CELSR1: variants seen among roughly 807,000 people sequenced by gnomAD.
The protein encoded by CELSR1 is adhesion G protein-coupled receptor C1.
Under a neutral mutation model 249.1 loss-of-function variants are expected in CELSR1, and 110 were observed. The observed-to-expected ratio is 0.44, with a 90% CI of 0.38 to 0.52. The LOEUF (loss-of-function observed/expected upper bound fraction) is 0.52, where lower values mean the gene tolerates loss of function less well. Among genes scored for constraint, CELSR1 ranks in the 20% least tolerant of loss-of-function variants. The pLI, the probability that CELSR1 is intolerant of heterozygous loss-of-function variation, is 0.00. For synonymous variants in CELSR1, 2,113 were observed against 1,900.0 expected (o/e 1.11, Z -2.92); for missense variants, 4,109 against 4,296.4 (o/e 0.96, Z 1.22).
Position 46,534,536 on chromosome 22 carries a change from C to G in CELSR1, c.2635G>C (p.Glu879Gln). Residue 879 changes from glutamate (E) to glutamine (Q), a missense_variant, in exon 1 of 35, where the codon GAG (glutamate) becomes CAG (glutamine). By Grantham distance (29) the Glu-to-Gln change is conservative (BLOSUM62 2). Around this residue, in one of 7 missense-constraint regions of CELSR1, gnomAD observed 886 missense variants for 896.5 expected, o/e 0.99. Transcript: ENST00000674500. This position sits in a 1 kb window ranked among gnomAD's most constrained non-coding sequence, Gnocchi z 9.7. The part of the protein sequence containing the change: ...IPQKSDTTTL[E>Q]ILILDANDNA... ...TCATTGGCATCGAGGATGAGGATCT[C>G]TAGGGTGGTGGTGTCTGATTTCTGC... 3 of 1,613,558 alleles carry G rather than the reference C, an allele frequency of 1.9e-6. No homozygotes were observed. Among genetic ancestry groups the G allele is most frequent in the Non-Finnish European group, 2.5e-6 (3 of 1,180,006 alleles).
At chr22:46,462,266 C>T (rs1261532789) in intron 2 of CELSR1, among the ~76,000 whole-genome samples, 1 of 152,216 alleles carries the variant, frequency 6.6e-6, no homozygotes, top group Non-Finnish European at 1.5e-5. Context: ...GGCAGGTGAC[C>T]ACACTGCCTT....
At chr22:46,470,157 GTACTGTTTACTTCCTCGTGGCAGTTGT>G (rs1277093889) in intron 1 of CELSR1, among the ~76,000 whole-genome samples, 2 of 150,140 alleles carry the variant, frequency 1.3e-5, no homozygotes, top group Admixed American at 6.6e-5. Flanking sequence ...TACAGATAGG[GTACTGTTTACTTCCTCGTGGCAGTTGT>G]TATGAAACAT....
rs1267883943 is a variant in CELSR1, at chr22:46,434,059, C to T, written c.4523-578G>A. The stretch of plus-strand genomic sequence containing the variant: ...TGTACCAGCAGCAGTCACACCTACA[C>T]CGCACCAGAGGTCGAACCCTTTTTC... On this transcript the variant is annotated intron_variant, in intron 4 of 34. Transcript: ENST00000674500. This position sits in a 1 kb window ranked among gnomAD's most constrained non-coding sequence, Gnocchi z 4.9. Among the ~76,000 whole-genome samples the T allele has an allele frequency of 6.6e-6, 1 of 152,250 alleles. No individual in the cohort carries two copies. The highest frequency in any genetic ancestry group is 1.9e-4 in the East Asian group (1 of 5,200).
chr22:46,394,735 G>A (rs893340384), intron 13 of CELSR1, among the ~76,000 whole-genome samples: 1 of 152,206 alleles, frequency 6.6e-6, no homozygotes, highest in Non-Finnish European at 1.5e-5. Context: ...ACCCACAGAT[G>A]CTCAGGGCAG....
In CELSR1 at chr22:46,535,891, A is replaced by C; in HGVS notation, c.1280T>G (p.Val427Gly). 2 of 1,609,522 alleles carry C rather than the reference A, an allele frequency of 1.2e-6. No individual in the cohort carries two copies. Among genetic ancestry groups the C allele is most frequent in the Non-Finnish European group, 1.7e-6 (2 of 1,179,388 alleles). Residue 427 changes from valine to glycine, a missense_variant, in exon 1 of 35, where the codon GTG becomes GGG. Coordinates refer to ENST00000674500, the MANE Select transcript of CELSR1 (RefSeq NM_001378328.1). ...ATTGCGCCCCTGGTCGTTGGCCTCC[A>C]CCAGGAGCTGGTACTCGGCCGCCTC... Reference protein sequence around the residue: ...REEAAEYQLLVEANDQGRNPG... With the variant: ...REEAAEYQLLGEANDQGRNPG...
intron 25 of CELSR1, chr22:46,370,367 G>A (rs1602030053): frequency 3.1e-6 from 1 of 326,174 alleles, no homozygotes; most frequent in South Asian, 2.4e-5. Flanking sequence ...GTGCAGACAC[G>A]CATCACAGAT....
At chr22:46,386,735 G>T in intron 18 of CELSR1, 150 bp from the exon 19 acceptor site, 1 of 596,662 alleles carries the variant, frequency 1.7e-6, no homozygotes, top group Non-Finnish European at 2.7e-6. Context: ...AATATTAGTT[G>T]TTTTTTGTTT....
intron 12 of CELSR1, 136 bp downstream of exon 12, chr22:46,397,538 A>G (rs748997924): frequency 2.5e-6 from 2 of 801,118 alleles, no homozygotes; most frequent in Non-Finnish European, 3.5e-6. Flanking sequence ...CCCGCTTGTT[A>G]TAAAATAAAG....
chr22:46,378,524 G>A (rs2078942777), intron 23 of CELSR1, 67 bp downstream of exon 23: 1 of 1,512,070 alleles, frequency 6.6e-7, no homozygotes, highest in African/African-American at 1.4e-5. Context: ...GGAGGTGCAG[G>A]TTTGGGGGGG....
intron 19 of CELSR1, among the ~76,000 whole-genome samples, 164 bp from the exon 20 acceptor site, chr22:46,384,850 C>T (rs533453390): frequency 6.6e-6 from 1 of 152,078 alleles, no homozygotes; most frequent in Non-Finnish European, 1.5e-5. Flanking sequence ...AGTGCAGTAG[C>T]GCAATCTCAG....
intron 5 of CELSR1, among the ~76,000 whole-genome samples, chr22:46,416,766 T>G (rs565201935): frequency 4.6e-5 from 7 of 152,104 alleles, no homozygotes; most frequent in Non-Finnish European, 8.8e-5. Flanking sequence ...CTTCGAGGTA[T>G]TTTCTTCCCT....
At chr22:46,477,001 C>T (rs1350252524) in intron 1 of CELSR1, among the ~76,000 whole-genome samples, 2 of 152,124 alleles carry the variant, frequency 1.3e-5, no homozygotes, top group African/African-American at 2.4e-5. Flanking sequence ...CTTATTTTGG[C>T]GTGACATTGT....
rs2079633399 is a variant in CELSR1, at chr22:46,434,384, G to A, written c.4523-903C>T. On this transcript the variant is annotated intron_variant, in intron 4 of 34. Transcript: ENST00000674500. This position sits in a 1 kb window ranked among gnomAD's most constrained non-coding sequence, Gnocchi z 4.9. ...GGGCACCAAAGGACAGGTGCGGTGG[G>A]TACCAGGTCCCGGGCAGAGAATACC... Among the ~76,000 whole-genome samples the A allele has an allele frequency of 6.6e-6, 1 of 152,162 alleles. No individual in the cohort carries two copies. The highest frequency in any genetic ancestry group is 1.5e-5 in the Non-Finnish European group (1 of 68,036).
intron 5 of CELSR1, among the ~76,000 whole-genome samples, chr22:46,431,942 C>A (rs1167034422): frequency 6.6e-6 from 1 of 152,200 alleles, no homozygotes; most frequent in Non-Finnish European, 1.5e-5. Flanking sequence ...ATCCAATGTG[C>A]GGCAGCCCAG....
In CELSR1 at chr22:46,428,459, G is replaced by C. The variant is rs530704624; in HGVS notation, c.4611+4934C>G. Among the ~76,000 whole-genome samples the C allele has an allele frequency of 6.6e-6, 1 of 152,178 alleles. No homozygotes were observed. The highest frequency in any genetic ancestry group is 1.5e-5 in the Non-Finnish European group (1 of 68,030). On this transcript the variant is annotated intron_variant, in intron 5 of 34. Transcript: ENST00000674500. The surrounding 1 kb of genome is among the most constrained non-coding windows in gnomAD (Gnocchi z 5.7). ...GCCTCAAGCTCCGGCCCAGGGTCTC[G>C]CATCTCCACCTGAAGCTACCAGGAC...
At position 46,377,207 on chromosome 22, in the gene CELSR1, G is replaced by A. The variant is rs749239510; in HGVS notation, c.7438C>T (p.Leu2480=). The A allele has an allele frequency of 3.1e-6, 5 of 1,614,066 alleles. No individual in the cohort carries two copies. Among genetic ancestry groups the A allele is most frequent in the Middle Eastern group, 1.6e-4 (1 of 6,062 alleles). Residue 2480 remains leucine (L), a synonymous_variant, in exon 24 of 35, where the codon CTG becomes TTG. Coordinates refer to ENST00000674500, the MANE Select transcript of CELSR1 (RefSeq NM_001378328.1). ...IVTYAAVSLS[L]AALLVAFVLL... ...ACGAAGGCCACCAGCAGGGCTGCCA[G>A]TGACAAGGACACAGCGGCATAGGTG...
Position 46,440,272 on chromosome 22 carries a change from T to C in CELSR1, c.4184-861A>G, listed in dbSNP as rs985648386. Among the ~76,000 whole-genome samples, 5 of 152,154 alleles carry C rather than the reference T, an allele frequency of 3.3e-5. No individual in the cohort carries two copies. Among genetic ancestry groups the C allele is most frequent in the Non-Finnish European group, 7.4e-5 (5 of 68,022 alleles). On this transcript the variant is annotated intron_variant, in intron 2 of 34. Transcript: ENST00000674500. This position sits in a 1 kb window ranked among gnomAD's most constrained non-coding sequence, Gnocchi z 4.7. ...ATCCTCCAGCAACCAGGTGTGTGGC[T>C]GGTGACACTCCCGCCCCCGGACAGG...
At position 46,536,149 on chromosome 22, in the gene CELSR1, A is replaced by C; in HGVS notation, c.1022T>G (p.Val341Gly). The change falls in exon 1 of 35, where the codon GTC (valine) becomes GGC (glycine). Residue 341 changes from valine to glycine, a missense_variant. Physicochemically the swap from Val to Gly is moderately radical, Grantham distance 109. Transcript: ENST00000674500. ...PPRSATTYIT[V>G]LVKDTNDHSP... is the part of the protein sequence containing the mutation. ...GTGGTCGTTGGTGTCTTTGACCAAG[A>C]CAGTGATGTAGGTGGTGGCCGAGCG... 6.2e-7 allele frequency: 1 copy of C among 1,612,924 alleles called. No individual in the cohort carries two copies. The highest frequency in any genetic ancestry group is 8.5e-7 in the Non-Finnish European group (1 of 1,179,994).
At position 46,369,502 on chromosome 22, in the gene CELSR1, G is replaced by A. The variant is rs186006545; in HGVS notation, c.7872+190C>T. ...AGATGGTCTCATGCGGACACGACGC[G>A]AGACCTGAATCCACGATCAGAGGGT... is the stretch of plus-strand genomic sequence containing the variant. On this transcript the variant is annotated intron_variant, in intron 26 of 34. Transcript: ENST00000674500. Among the ~76,000 whole-genome samples the A allele has an allele frequency of 1.2e-3, 186 of 152,350 alleles. 1 individual carries two copies. The Middle Eastern group carries it at 0.017, about 14-fold the overall frequency.
Sources: allele counts gnomAD v4.1 joint callset (sites outside exome capture counted in the v4.1 genomes callset), GRCh38; gene constraint gnomAD v4.1.1; regional missense constraint gnomAD v4.1.1; non-coding constraint Gnocchi (gnomAD v3.1); transcripts MANE v1.5; gene names NCBI Gene and HGNC (gene_info 2026-07-23, HGNC 2026-07-21).